Variants in NAV2 observed in about 807,000 individuals in gnomAD.
NAV2 encodes the protein neuron navigator 2, also known as helicase, APC down-regulated 1.
In NAV2, 54 loss-of-function variants were observed where a neutral mutation model predicts 223.2. The ratio of observed to expected loss-of-function variants is 0.24; its 90% CI spans 0.19 to 0.30. The LOEUF (loss-of-function observed/expected upper bound fraction) is 0.30. Ranked by LOEUF, NAV2 falls within the 10% of genes least tolerant of loss-of-function variation. The probability of loss-of-function intolerance (pLI) is 1.00; values close to 1 mark genes in which losing one functional copy is unlikely to be tolerated. For missense variants in NAV2, 2,806 were observed against 3,147.5 expected (o/e 0.89, Z 2.60); for synonymous variants, 1,279 against 1,239.3 (o/e 1.03, Z -0.67).
intron 22 of NAV2, among the ~76,000 whole-genome samples, chr11:20,076,602 C>A (rs922208333): frequency 6.6e-6 from 1 of 152,126 alleles, no homozygotes; most frequent in Non-Finnish European, 1.5e-5. Context: ...AATAACATTA[C>A]CAGGATTCTC....
At chr11:19,801,625 A>G (rs774355212) in intron 1 of NAV2, among the ~76,000 whole-genome samples, 1 of 152,168 alleles carries the variant, frequency 6.6e-6, no homozygotes, top group Non-Finnish European at 1.5e-5. Flanking sequence ...GGCTAACACC[A>G]TTGGGGACTA....
Position 19,948,878 on chromosome 11 carries a change from A to AGGTTC in NAV2, c.2443_2444insGGTTC (p.Asn815ArgfsTer15), listed in dbSNP as rs771678681. ...TCGAGCCAACGCCAGCAGGTTCATC[A>AGGTTC]ACACTGAGTCAGGTCGCTATGTGTA... On this transcript the variant is annotated frameshift_variant, in exon 10 of 38. Coordinates refer to ENST00000349880, the MANE Select transcript of NAV2 (RefSeq NM_145117.5). LOFTEE classifies it high-confidence loss of function. 2 of 1,614,048 alleles carry AGGTTC rather than the reference A, an allele frequency of 1.2e-6. No individual in the cohort carries two copies. The highest frequency in any genetic ancestry group is 3.3e-5 in the Admixed American group (2 of 60,014).
chr11:19,354,039 A>G (rs1853474285), intron 1 of NAV2, among the ~76,000 whole-genome samples: 1 of 152,202 alleles, frequency 6.6e-6, no homozygotes, highest in African/African-American at 2.4e-5. Flanking sequence ...AAGTGCCAAA[A>G]TTTATATTAT....
At chr11:19,640,834 CA>C (rs1398076613) in intron 1 of NAV2, among the ~76,000 whole-genome samples, 4 of 152,212 alleles carry the variant, frequency 2.6e-5, no homozygotes, top group Non-Finnish European at 5.9e-5. Context: ...ACAGGTATCA[CA>C]CTTGTGAAGG....
At chr11:19,432,132 A>T (rs1226856693) in intron 1 of NAV2, among the ~76,000 whole-genome samples, 1 of 150,474 alleles carries the variant, frequency 6.6e-6, no homozygotes, top group Non-Finnish European at 1.5e-5. Context: ...CGGGAAGTGG[A>T]TGTTGCAGTG....
intron 32 of NAV2, 104 bp downstream of exon 32, chr11:20,101,276 G>A (rs897579825): frequency 2.1e-6 from 2 of 965,368 alleles, no homozygotes; most frequent in African/African-American, 1.6e-5. Flanking sequence ...AACAATCCTT[G>A]GGTGGTTTTA....
intron 1 of NAV2, among the ~76,000 whole-genome samples, chr11:19,353,986 C>A (rs540198110): frequency 6.6e-6 from 1 of 152,288 alleles, no homozygotes; most frequent in South Asian, 2.1e-4. Context: ...TACATACACA[C>A]CCAAATCATG....
chr11:19,647,195 G>A (rs987876182), intron 1 of NAV2, among the ~76,000 whole-genome samples: 2 of 152,122 alleles, frequency 1.3e-5, no homozygotes, highest in Non-Finnish European at 2.9e-5. Context: ...GTGGCTGAGC[G>A]CACATGTGCC....
In NAV2 at chr11:19,781,815, A is replaced by G. The variant is rs370033172; in HGVS notation, c.268-50669A>G. ...GGCTTAATTGCCAAATAAAAATTGT[A>G]TATATTTAAGGTGTACAGTGTGATG... On this transcript the variant is annotated intron_variant, in intron 1 of 37. Coordinates refer to ENST00000349880, the MANE Select transcript of NAV2 (RefSeq NM_145117.5). Among the ~76,000 whole-genome samples, 12 of 151,994 alleles carry G rather than the reference A, an allele frequency of 7.9e-5. No individual in the cohort carries two copies. The East Asian group carries it at 1.2e-3, about 15-fold the overall frequency.
chr11:19,477,208 C>T (rs991139580), intron 1 of NAV2, among the ~76,000 whole-genome samples: 6 of 152,082 alleles, frequency 3.9e-5, no homozygotes, highest in African/African-American at 9.7e-5. Context: ...GAGGGTATTG[C>T]TAAGAAAAAA....
intron 10 of NAV2, 73 bp downstream of exon 10, chr11:19,949,153 C>T: frequency 6.8e-7 from 1 of 1,470,792 alleles, no homozygotes; most frequent in Non-Finnish European, 9.0e-7. Context: ...TTGTAGGGCT[C>T]TATTTGATTC....
chr11:19,962,611 A>G (rs2048430332), intron 10 of NAV2, among the ~76,000 whole-genome samples: 1 of 152,176 alleles, frequency 6.6e-6, no homozygotes, highest in Admixed American at 6.5e-5. Flanking sequence ...GAATCATTGC[A>G]TCCCTTCCTT....
At chr11:19,565,591 G>C (rs1287569791) in intron 1 of NAV2, among the ~76,000 whole-genome samples, 1 of 152,176 alleles carries the variant, frequency 6.6e-6, no homozygotes, top group Non-Finnish European at 1.5e-5. Context: ...CCCTTTCATA[G>C]GTATCTGGAA....
intron 37 of NAV2, among the ~76,000 whole-genome samples, chr11:20,116,537 T>G (rs1176887306): frequency 6.6e-6 from 1 of 152,208 alleles, no homozygotes; most frequent in Non-Finnish European, 1.5e-5. Flanking sequence ...CATGAGGTCT[T>G]AACTTACATA....
At chr11:20,035,555 G>A (rs552571277) in intron 11 of NAV2, among the ~76,000 whole-genome samples, 25 of 152,182 alleles carry the variant, frequency 1.6e-4, no homozygotes, top group Admixed American at 6.5e-4. Flanking sequence ...CCTCTGACCC[G>A]ACAGGTGCCT....
chr11:19,520,860 G>A (rs1313559826), intron 1 of NAV2, among the ~76,000 whole-genome samples: 1 of 152,230 alleles, frequency 6.6e-6, no homozygotes, highest in Non-Finnish European at 1.5e-5. Flanking sequence ...CCTTGGGAGA[G>A]CAGAGGCCAC....
chr11:19,739,176 T>C (rs1178562049), intron 1 of NAV2, among the ~76,000 whole-genome samples: 2 of 152,042 alleles, frequency 1.3e-5, no homozygotes, highest in Non-Finnish European at 2.9e-5. Flanking sequence ...AGTGAGACCC[T>C]CTGTCAAAAA....
chr11:20,089,121 G>A (rs141966720), intron 26 of NAV2, among the ~76,000 whole-genome samples: 2 of 152,176 alleles, frequency 1.3e-5, no homozygotes, highest in South Asian at 2.1e-4. Flanking sequence ...TTTCTGTCTC[G>A]CCCTTTTAGT....
chr11:20,048,684 T>A, intron 14 of NAV2, 44 bp from the exon 15 acceptor site: 1 of 1,546,876 alleles, frequency 6.5e-7, no homozygotes, highest in Non-Finnish European at 8.9e-7. Context: ...CGGTGCCCCT[T>A]GGCACTGGGT....
Sources: allele counts gnomAD v4.1 joint callset (sites outside exome capture counted in the v4.1 genomes callset), GRCh38; gene constraint gnomAD v4.1.1; transcripts MANE v1.5; gene names NCBI Gene and HGNC (gene_info 2026-07-23, HGNC 2026-07-21).